Variants in JAZF1 observed in about 807,000 individuals in gnomAD.
JAZF1 encodes the protein JAZF zinc finger 1.
JAZF1 carries 8 observed loss-of-function variants against 26.4 expected under a neutral mutation model. That is an observed-to-expected ratio of 0.30 (90% CI 0.18 to 0.55). The LOEUF (loss-of-function observed/expected upper bound fraction) is 0.55. Among genes scored for constraint, JAZF1 ranks in the 20% least tolerant of loss-of-function variants. The pLI is 0.94. For synonymous variants in JAZF1, 126 were observed against 122.3 expected (o/e 1.03, Z -0.20); for missense variants, 199 against 322.0 (o/e 0.62, Z 2.92).
rs372716809 is a variant in JAZF1 at position 27,839,825 on chromosome 7, CTTT to C, written c.555+870_555+872del. Among the ~76,000 whole-genome samples the C allele has an allele frequency of 2.0e-4, 31 of 151,662 alleles. 1 individual carries two copies. In the South Asian group the frequency reaches 6.5e-3, roughly 32 times the overall value. ...GGGGCAATATAAGTGCTTATGCTAT[CTTT>C]TTTTTTAAGCTTTAAAAAATAGTCA... is the stretch of plus-strand genomic sequence containing the variant. On this transcript the variant is annotated intron_variant, in intron 4 of 4. Transcript: ENST00000283928.
chr7:28,084,173 GA>G (rs1264847457), intron 1 of JAZF1, among the ~76,000 whole-genome samples: 2 of 152,168 alleles, frequency 1.3e-5, no homozygotes, highest in African/African-American at 2.4e-5. Context: ...GTGGAAGGAA[GA>G]GAGGGAGTTT....
chr7:28,125,297 T>C (rs994702500), intron 1 of JAZF1, among the ~76,000 whole-genome samples: 2 of 152,142 alleles, frequency 1.3e-5, no homozygotes, highest in Non-Finnish European at 2.9e-5. Context: ...TGAAATTGTA[T>C]TGACAGATAT....
chr7:28,097,952 C>T (rs960491163), intron 1 of JAZF1, among the ~76,000 whole-genome samples: 2 of 152,188 alleles, frequency 1.3e-5, no homozygotes, highest in Non-Finnish European at 2.9e-5. Context: ...CATTCCATAA[C>T]GTAGTTATTA....
chr7:28,175,495 A>G (rs1406949265), intron 1 of JAZF1, among the ~76,000 whole-genome samples: 1 of 152,208 alleles, frequency 6.6e-6, no homozygotes, highest in African/African-American at 2.4e-5. Context: ...AATCCTCACT[A>G]ACCACTCCGT....
At chr7:27,976,315 A>C (rs1241512070) in intron 2 of JAZF1, among the ~76,000 whole-genome samples, 1 of 136,090 alleles carries the variant, frequency 7.3e-6, no homozygotes, top group Non-Finnish European at 1.5e-5. Flanking sequence ...ACTGCACTCC[A>C]GCCTGGGCAA....
rs145193272 is a variant in JAZF1 at position 27,902,033 on chromosome 7, T to A, written c.189-6617A>T. On this transcript the variant is annotated intron_variant, in intron 2 of 4. Transcript: ENST00000283928. The stretch of plus-strand genomic sequence containing the variant: ...CAAAGCTCTGAAACCTGAAATTTTT[T>A]AAAAATAAAGTTTGGCACTAAAACA... 3.7e-3 allele frequency among the ~76,000 whole-genome samples: 561 copies of A among 152,324 alleles called. 5 individuals are homozygous for A. The highest frequency in any genetic ancestry group is 0.013 in the African/African-American group (528 of 41,564).
intron 2 of JAZF1, among the ~76,000 whole-genome samples, chr7:27,952,249 G>T (rs1271437295): frequency 2.0e-5 from 3 of 152,192 alleles, no homozygotes; most frequent in Non-Finnish European, 4.4e-5. Context: ...AGCACAGAAG[G>T]GGTAATGAAC....
At chr7:28,031,448 A>G (rs1783187662) in intron 1 of JAZF1, among the ~76,000 whole-genome samples, 1 of 152,152 alleles carries the variant, frequency 6.6e-6, no homozygotes, top group South Asian at 2.1e-4. Context: ...CCCACCCCTC[A>G]GCCCCAGATT....
At chr7:28,154,542 A>C (rs1783152532) in intron 1 of JAZF1, among the ~76,000 whole-genome samples, 1 of 152,160 alleles carries the variant, frequency 6.6e-6, no homozygotes, top group African/African-American at 2.4e-5. Context: ...ACCAAACCAC[A>C]TTTACTGAAT....
At chr7:28,136,768 T>C (rs1221587220) in intron 1 of JAZF1, among the ~76,000 whole-genome samples, 1 of 152,136 alleles carries the variant, frequency 6.6e-6, no homozygotes. Flanking sequence ...CTGACCTAAG[T>C]ACTAATTGTT....
intron 1 of JAZF1, among the ~76,000 whole-genome samples, chr7:28,173,007 T>C (rs1328147263): frequency 6.6e-6 from 1 of 152,192 alleles, no homozygotes; most frequent in Non-Finnish European, 1.5e-5. Flanking sequence ...CATTAAAGGA[T>C]TGCTTAAAAT....
intron 3 of JAZF1, among the ~76,000 whole-genome samples, chr7:27,867,636 G>A (rs1272271145): frequency 6.6e-6 from 1 of 152,208 alleles, no homozygotes; most frequent in East Asian, 1.9e-4. Context: ...AACGTTATGC[G>A]GGTGACAAAC....
chr7:28,005,094 A>C (rs1782676181), intron 1 of JAZF1, among the ~76,000 whole-genome samples: 1 of 152,194 alleles, frequency 6.6e-6, no homozygotes, highest in Admixed American at 6.5e-5. Context: ...CAATCTTTGA[A>C]TTGTGATATG....
At chr7:28,030,498 A>T (rs891191584) in intron 1 of JAZF1, among the ~76,000 whole-genome samples, 4 of 152,182 alleles carry the variant, frequency 2.6e-5, no homozygotes, top group Non-Finnish European at 5.9e-5. Context: ...GGTAAATGTG[A>T]CTTGTTATGG....
At chr7:27,848,137 T>C (rs1038732286) in intron 3 of JAZF1, among the ~76,000 whole-genome samples, 10 of 152,250 alleles carry the variant, frequency 6.6e-5, no homozygotes, top group Non-Finnish European at 1.5e-4. Context: ...ACTGATTCCA[T>C]ATGTCACTTT....
intron 1 of JAZF1, among the ~76,000 whole-genome samples, chr7:28,063,592 T>G (rs1248638892): frequency 2.0e-5 from 3 of 152,186 alleles, no homozygotes; most frequent in African/African-American, 7.2e-5. Context: ...CAAATATCTT[T>G]AAGAATAGTT....
chr7:27,876,984 G>T (rs1583443251), intron 3 of JAZF1, among the ~76,000 whole-genome samples: 1 of 152,304 alleles, frequency 6.6e-6, no homozygotes, highest in South Asian at 2.1e-4. Context: ...CTAGACAAGA[G>T]GGTTACTCTT....
chr7:28,130,315 G>C (rs1222162600), intron 1 of JAZF1, among the ~76,000 whole-genome samples: 2 of 152,028 alleles, frequency 1.3e-5, no homozygotes, highest in Non-Finnish European at 2.9e-5. Flanking sequence ...ACAAAACTGA[G>C]GACCCTCCCC....
At chr7:27,920,630 A>T (rs1378002163) in intron 2 of JAZF1, among the ~76,000 whole-genome samples, 1 of 152,246 alleles carries the variant, frequency 6.6e-6, no homozygotes, top group East Asian at 1.9e-4. Flanking sequence ...GCATGTGAAT[A>T]AGACCCTCTT....
Sources: gnomAD v4.1 joint callset for allele counts (sites outside exome capture counted in the v4.1 genomes callset) on GRCh38, gnomAD v4.1.1 for gene constraint, MANE v1.5 for transcripts, NCBI Gene and HGNC (gene_info 2026-07-23, HGNC 2026-07-21) for gene names.